MCPH1: variants seen among roughly 807,000 people sequenced by gnomAD.
The protein encoded by MCPH1 is microcephalin.
MCPH1 carries 104 observed loss-of-function variants against 84.5 expected under a neutral mutation model. The observed-to-expected ratio is 1.23, with a 90% CI of 1.05 to 1.45. The LOEUF is 1.45. Ranked by LOEUF, MCPH1 falls within the 40% of genes most tolerant of loss-of-function variation. The probability of loss-of-function intolerance (pLI) is 0.00; values close to 1 mark genes in which losing one functional copy is unlikely to be tolerated. For missense variants in MCPH1, 1,498 were observed against 1,005.7 expected, an observed-to-expected ratio of 1.49 and a Z score of -6.62; for synonymous variants, 514 against 366.8, an observed-to-expected ratio of 1.40 and a Z score of -4.58.
chr8:6,517,264 C>G (rs1190300139), intron 12 of MCPH1, among the ~76,000 whole-genome samples: 1 of 152,150 alleles, frequency 6.6e-6, no homozygotes, highest in African/African-American at 2.4e-5. Flanking sequence ...GTGCAGGAAC[C>G]TGATATCTTT....
At chr8:6,573,632 G>C (rs1433357189) in intron 12 of MCPH1, among the ~76,000 whole-genome samples, 1 of 141,440 alleles carries the variant, frequency 7.1e-6, no homozygotes, top group African/African-American at 3.0e-5. Context: ...CTACTTCAAG[G>C]CCTGAGTGGT....
chr8:6,623,876 G>C (rs1315206992), intron 13 of MCPH1, among the ~76,000 whole-genome samples: 2 of 152,194 alleles, frequency 1.3e-5, no homozygotes, highest in Non-Finnish European at 2.9e-5. Context: ...CTGCAGAACA[G>C]AACTGGGCCT....
chr8:6,587,554 A>G (rs1034662974), intron 12 of MCPH1, among the ~76,000 whole-genome samples: 5 of 152,180 alleles, frequency 3.3e-5, no homozygotes, highest in African/African-American at 1.2e-4. Context: ...TTTCACTGTT[A>G]TGAATCTGAC....
intron 11 of MCPH1, among the ~76,000 whole-genome samples, chr8:6,483,632 G>C (rs1374791475): frequency 6.6e-6 from 1 of 152,148 alleles, no homozygotes; most frequent in African/African-American, 2.4e-5. Flanking sequence ...CAACACTTTG[G>C]GTGGATCACC....
chr8:6,480,149 A>T (rs1391261839), intron 10 of MCPH1, among the ~76,000 whole-genome samples: 1 of 140,250 alleles, frequency 7.1e-6, no homozygotes, highest in Non-Finnish European at 1.5e-5. Context: ...TTTGAGACGG[A>T]GTCTCTCCCT....
chr8:6,588,026 A>G (rs372951311), intron 12 of MCPH1, among the ~76,000 whole-genome samples: 4 of 152,324 alleles, frequency 2.6e-5, no homozygotes, highest in African/African-American at 7.2e-5. Flanking sequence ...TCAGCTTCCC[A>G]TCTTGGGGAG....
chr8:6,477,569 G>T lies in MCPH1; in HGVS notation c.1936-25G>T, dbSNP rs751560426. ...TTTTTTATGTTTTTGACTGTTTTTT[G>T]TTCCTTCTTGTTTGAAATCTCTAGC... On this transcript the variant is annotated intron_variant, in intron 9 of 13. Coordinates refer to ENST00000344683, the MANE Select transcript of MCPH1 (RefSeq NM_024596.5). 9.3e-6 allele frequency: 15 copies of T among 1,606,136 alleles called. No individual in the cohort carries two copies. In the East Asian group the frequency reaches 1.3e-4, roughly 14 times the overall value.
At chr8:6,486,477 G>A (rs1156878060) in intron 11 of MCPH1, among the ~76,000 whole-genome samples, 4 of 152,172 alleles carry the variant, frequency 2.6e-5, no homozygotes, top group Non-Finnish European at 5.9e-5. Flanking sequence ...TTGTAAAGGA[G>A]ATTTGTAGCA....
At chr8:6,504,317 C>CTAA (rs1812825844) in intron 12 of MCPH1, among the ~76,000 whole-genome samples, 1 of 85,906 alleles carries the variant, frequency 1.2e-5, no homozygotes, top group African/African-American at 4.5e-5. Context: ...GACTCCAGCT[C>CTAA]AAAAAAAAAA....
intron 12 of MCPH1, among the ~76,000 whole-genome samples, chr8:6,518,450 C>G (rs1301774572): frequency 6.6e-6 from 1 of 152,174 alleles, no homozygotes; most frequent in East Asian, 1.9e-4. Flanking sequence ...GGGACATTAA[C>G]TAATTTTCAG....
intron 12 of MCPH1, among the ~76,000 whole-genome samples, chr8:6,604,080 C>T (rs563436193): frequency 1.3e-5 from 2 of 151,810 alleles, no homozygotes; most frequent in Admixed American, 6.6e-5. Context: ...GAAACAGGCA[C>T]ACTCTGCTGG....
intron 8 of MCPH1, among the ~76,000 whole-genome samples, chr8:6,448,636 T>G (rs1563226286): frequency 6.6e-6 from 1 of 152,210 alleles, no homozygotes; most frequent in Non-Finnish European, 1.5e-5. Flanking sequence ...CTTGTGTGTG[T>G]GTCTACAAGC....
rs1175635284 is a variant in MCPH1 at position 6,612,658 on chromosome 8, G to T, written c.2215-8796G>T. Among the ~76,000 whole-genome samples, 5 of 152,280 alleles carry T rather than the reference G, an allele frequency of 3.3e-5. No individual in the cohort carries two copies. In the East Asian group the frequency reaches 5.8e-4, roughly 18 times the overall value. On this transcript the variant is annotated intron_variant, in intron 12 of 13. Coordinates refer to ENST00000344683, the MANE Select transcript of MCPH1 (RefSeq NM_024596.5). ...CAGCTGGCTGGCCTGCCTCTGTTCC[G>T]ACCTCCCCTGCCTGGCCTGGTGTTC... is the stretch of plus-strand genomic sequence containing the variant.
At chr8:6,453,394 G>A (rs1335250832) in intron 8 of MCPH1, among the ~76,000 whole-genome samples, 1 of 86,402 alleles carries the variant, frequency 1.2e-5, no homozygotes, top group African/African-American at 2.8e-5. Flanking sequence ...AACAATATCA[G>A]TCTTTTTTTT....
chr8:6,537,106 A>G (rs1187157499), intron 12 of MCPH1, among the ~76,000 whole-genome samples: 1 of 152,040 alleles, frequency 6.6e-6, no homozygotes, highest in Non-Finnish European at 1.5e-5. Flanking sequence ...CAGTTCCAAG[A>G]TACTTGAACC....
chr8:6,595,529 C>T (rs751059130), intron 12 of MCPH1, among the ~76,000 whole-genome samples: 67 of 152,226 alleles, frequency 4.4e-4, no homozygotes, highest in Non-Finnish European at 6.0e-4. Context: ...GAGGAGGCAG[C>T]AGCACAGTCG....
At chr8:6,472,719 C>T (rs185040162) in intron 9 of MCPH1, among the ~76,000 whole-genome samples, 9 of 152,264 alleles carry the variant, frequency 5.9e-5, no homozygotes, top group South Asian at 2.1e-4. Flanking sequence ...CCACCCGCCT[C>T]GGCTTCCCAA....
chr8:6,454,124 G>T (rs1484914297), intron 8 of MCPH1, among the ~76,000 whole-genome samples: 1 of 152,156 alleles, frequency 6.6e-6, no homozygotes, highest in Non-Finnish European at 1.5e-5. Context: ...TCTTTCTCAT[G>T]TTATATGATT....
intron 12 of MCPH1, chr8:6,502,100 T>C (rs1812308070): frequency 6.6e-6 from 1 of 152,142 alleles, no homozygotes; most frequent in Non-Finnish European, 1.5e-5. Context: ...TATAAAAATA[T>C]ATCTTACTAG....
Sources: gnomAD v4.1 joint callset for allele counts (sites outside exome capture counted in the v4.1 genomes callset) on GRCh38, gnomAD v4.1.1 for gene constraint, MANE v1.5 for transcripts, NCBI Gene and HGNC (gene_info 2026-07-23, HGNC 2026-07-21) for gene names.